THSD7B: variants seen among roughly 807,000 people sequenced by gnomAD.
The protein encoded by THSD7B is thrombospondin type 1 domain containing 7B.
Under a neutral mutation model 213.6 loss-of-function variants are expected in THSD7B, and 138 were observed. That is an observed-to-expected ratio of 0.65 (90% CI 0.56 to 0.74). The LOEUF (loss-of-function observed/expected upper bound fraction) is 0.74. Ranked by LOEUF, THSD7B falls within the 30% of genes least tolerant of loss-of-function variation. The probability of loss-of-function intolerance (pLI) is 0.00; values close to 1 mark genes in which losing one functional copy is unlikely to be tolerated. For synonymous variants in THSD7B, 742 were observed against 687.0 expected, an observed-to-expected ratio of 1.08 and a Z score of -1.25; for missense variants, 1,931 against 1,991.5, an observed-to-expected ratio of 0.97 and a Z score of 0.58.
chr2:137,564,314 T>C (rs1681188273), intron 16 of THSD7B, among the ~76,000 whole-genome samples: 2 of 152,184 alleles, frequency 1.3e-5, no homozygotes, highest in Non-Finnish European at 2.9e-5. Context: ...CAGTACATAC[T>C]CACTATTTAT....
At position 137,231,036 on chromosome 2, in the gene THSD7B, G is replaced by T; in HGVS notation, c.1724-8G>T. On this transcript the variant is annotated splice_polypyrimidine_tract_variant and splice_region_variant and intron_variant, in intron 7 of 27. Coordinates refer to ENST00000409968, the MANE Select transcript of THSD7B (RefSeq NM_001316349.2). ...AATCACCAACTGTCTTGATCTTGTTGATTGTAGGAGAAGATGTATCAGGGA... is the reference window on the plus strand; with the variant it reads ...AATCACCAACTGTCTTGATCTTGTTTATTGTAGGAGAAGATGTATCAGGGA... The T allele has an allele frequency of 6.2e-7, 1 of 1,612,068 alleles. No individual in the cohort carries two copies. Among genetic ancestry groups the T allele is most frequent in the Non-Finnish European group, 8.5e-7 (1 of 1,179,238 alleles).
intron 12 of THSD7B, among the ~76,000 whole-genome samples, chr2:137,310,185 T>C (rs1421808822): frequency 6.6e-6 from 1 of 152,194 alleles, no homozygotes; most frequent in East Asian, 1.9e-4. Context: ...GACTTTTTAA[T>C]GATTGCCATT....
chr2:137,415,725 A>G (rs1686784553), intron 14 of THSD7B, among the ~76,000 whole-genome samples: 1 of 146,698 alleles, frequency 6.8e-6, no homozygotes, highest in Non-Finnish European at 1.5e-5. Context: ...TAGCATGCCA[A>G]TACACTGAGC....
chr2:137,442,705 C>T (rs1286175376), intron 14 of THSD7B, among the ~76,000 whole-genome samples: 1 of 151,966 alleles, frequency 6.6e-6, no homozygotes, highest in African/African-American at 2.4e-5. Flanking sequence ...TAAGATCACA[C>T]CAAACTTCAA....
chr2:136,919,854 C>T (rs538969275), intron 2 of THSD7B, among the ~76,000 whole-genome samples: 3 of 152,274 alleles, frequency 2.0e-5, no homozygotes, highest in African/African-American at 4.8e-5. Flanking sequence ...TGTGGCAGGG[C>T]GGGCAGCTCT....
At chr2:137,308,637 T>C (rs1262707517) in intron 12 of THSD7B, among the ~76,000 whole-genome samples, 1 of 152,088 alleles carries the variant, frequency 6.6e-6, no homozygotes, top group East Asian at 1.9e-4. Context: ...ACAATTTGCT[T>C]TATGATTATA....
At chr2:136,978,768 G>A (rs546720943) in intron 2 of THSD7B, among the ~76,000 whole-genome samples, 1 of 152,188 alleles carries the variant, frequency 6.6e-6, no homozygotes, top group South Asian at 2.1e-4. Flanking sequence ...TTTGATTGGG[G>A]CATTTAGCTC....
chr2:137,526,568 C>G (rs547317384), intron 15 of THSD7B, among the ~76,000 whole-genome samples: 2 of 152,060 alleles, frequency 1.3e-5, no homozygotes, highest in East Asian at 3.9e-4. Context: ...GCCACAGGTG[C>G]GTACCACCAC....
intron 17 of THSD7B, among the ~76,000 whole-genome samples, chr2:137,582,473 A>G (rs112194744): frequency 0.015 from 2,265 of 149,524 alleles, 58 homozygotes; most frequent in African/African-American, 0.051. Context: ...ATATCTCCTA[A>G]TACTATCTCT....
chr2:137,424,443 G>A (rs1329342540), intron 14 of THSD7B, among the ~76,000 whole-genome samples: 2 of 152,044 alleles, frequency 1.3e-5, no homozygotes, highest in Non-Finnish European at 2.9e-5. Context: ...AAAATTATAG[G>A]CCAATAGCCC....
intron 12 of THSD7B, among the ~76,000 whole-genome samples, chr2:137,391,018 G>A (rs888423489): frequency 6.6e-6 from 1 of 151,876 alleles, no homozygotes; most frequent in African/African-American, 2.4e-5. Flanking sequence ...TGTTGTTGTT[G>A]TATTCAGGAG....
intron 12 of THSD7B, 143 bp downstream of exon 12, chr2:137,276,169 T>C: frequency 1.5e-6 from 1 of 678,366 alleles, no homozygotes; most frequent in South Asian, 2.1e-5. Context: ...TAAATATAAA[T>C]AGGATTTGGC....
At chr2:137,105,307 C>T (rs1688225993) in intron 4 of THSD7B, among the ~76,000 whole-genome samples, 1 of 152,062 alleles carries the variant, frequency 6.6e-6, no homozygotes, top group Non-Finnish European at 1.5e-5. Flanking sequence ...TGACAAAAAC[C>T]ACATAATTAT....
chr2:137,605,950 G>A (rs996494010), intron 17 of THSD7B, among the ~76,000 whole-genome samples: 20 of 150,920 alleles, frequency 1.3e-4, no homozygotes, highest in African/African-American at 3.9e-4. Context: ...TTACAGGCAC[G>A]TGCCACCATG....
chr2:137,360,620 A>G (rs951452499), intron 12 of THSD7B, among the ~76,000 whole-genome samples: 2 of 152,140 alleles, frequency 1.3e-5, no homozygotes, highest in African/African-American at 4.8e-5. Context: ...TGCTAGTCCA[A>G]GATTGAACTG....
chr2:137,638,638 G>A (rs1418706372), intron 20 of THSD7B, among the ~76,000 whole-genome samples: 3 of 152,206 alleles, frequency 2.0e-5, no homozygotes, highest in Non-Finnish European at 4.4e-5. Context: ...ACAAGAAAAT[G>A]TGGGGAAGTG....
At chr2:137,554,699 G>A (rs997740038) in intron 15 of THSD7B, among the ~76,000 whole-genome samples, 1 of 152,132 alleles carries the variant, frequency 6.6e-6, no homozygotes, top group South Asian at 2.1e-4. Context: ...CAGACAGTGG[G>A]TGCAGTACAG....
chr2:136,789,669 A>G (rs1681927011), intron 1 of THSD7B, among the ~76,000 whole-genome samples: 1 of 152,146 alleles, frequency 6.6e-6, no homozygotes, highest in Non-Finnish European at 1.5e-5. Flanking sequence ...TTTAAGAATA[A>G]GTAATGTACA....
chr2:136,793,726 G>A (rs1164092000), intron 1 of THSD7B, among the ~76,000 whole-genome samples: 1 of 151,748 alleles, frequency 6.6e-6, no homozygotes, highest in East Asian at 1.9e-4. Context: ...ATAATGATGT[G>A]TAATTTATTT....
Sources: allele counts gnomAD v4.1 joint callset (sites outside exome capture counted in the v4.1 genomes callset), GRCh38; gene constraint gnomAD v4.1.1; transcripts MANE v1.5; gene names NCBI Gene and HGNC (gene_info 2026-07-23, HGNC 2026-07-21).